BSG: variants seen among roughly 807,000 people sequenced by gnomAD.
The protein encoded by BSG is basigin (Ok blood group).
BSG carries 37 observed loss-of-function variants against 43.1 expected under a neutral mutation model. The ratio of observed to expected loss-of-function variants is 0.86; its 90% CI spans 0.66 to 1.13. The LOEUF (loss-of-function observed/expected upper bound fraction) is 1.13, where lower values mean the gene tolerates loss of function less well. Among genes scored for constraint, BSG ranks in the 50% most tolerant of loss-of-function variants. The pLI, the probability that BSG is intolerant of heterozygous loss-of-function variation, is 0.00. For missense variants in BSG, 599 were observed against 554.2 expected (o/e 1.08, Z -0.81); for synonymous variants, 309 against 238.7 (o/e 1.29, Z -2.72).
intron 3 of BSG, chr19:579,978 G>A (rs1982140118): frequency 4.6e-6 from 2 of 434,560 alleles, no homozygotes; most frequent in African/African-American, 2.0e-5. Flanking sequence ...TGGCACAAGA[G>A]GGCACCACAC....
upstream of BSG, chr19:572,537 G>A: frequency 6.9e-6 from 9 of 1,305,614 alleles, no homozygotes; most frequent in Non-Finnish European, 8.8e-6. Flanking sequence ...GACGCCGTGC[G>A]TGCGCGCGCC....
At chr19:578,210 C>T in intron 2 of BSG, 89 bp downstream of exon 2, 1 of 1,257,706 alleles carries the variant, frequency 8.0e-7, no homozygotes, top group African/African-American at 1.5e-5. Context: ...AACCCAGACG[C>T]CTCCTCCCCT....
rs1981909501 is a variant in BSG, at chr19:577,830, C to T, written c.124C>T (p.Leu42=). 4.0e-6 allele frequency: 6 copies of T among 1,500,750 alleles called. No individual in the cohort carries two copies. In the African/African-American group the frequency reaches 6.9e-5, roughly 17 times the overall value. The allele number at this position is 1,500,750 out of a possible 1,614,324, so 93.0% of individuals were successfully genotyped here. The change falls in exon 2 of 9, where the codon CTG becomes TTG. Residue 42 remains leucine, a synonymous_variant. Coordinates refer to ENST00000333511, the MANE Select transcript of BSG (RefSeq NM_001728.4). ...GAGGTGGGTGGGGGGCAGTGTGGAG[C>T]TGCACTGCGAGGCCGTGGGCAGCCC... ...QQRWVGGSVE[L]HCEAVGSPVP...
At chr19:580,155 G>T (rs895876169) in intron 3 of BSG, among the ~76,000 whole-genome samples, 1 of 86,834 alleles carries the variant, frequency 1.2e-5, no homozygotes, top group African/African-American at 1.1e-4. Context: ...GGGTTCATCA[G>T]TCGGGGAGAA....
At chr19:582,488 C>G (rs1351185928) in intron 7 of BSG, 26 bp from the exon 8 acceptor site, 2 of 1,605,642 alleles carry the variant, frequency 1.2e-6, no homozygotes, top group Non-Finnish European at 1.7e-6. Flanking sequence ...GGGGGACACC[C>G]TCTCACCCGG....
At chr19:576,784 GGC>G (rs1370378090) in intron 1 of BSG, among the ~76,000 whole-genome samples, 1 of 151,762 alleles carries the variant, frequency 6.6e-6, no homozygotes, top group Non-Finnish European at 1.5e-5. Context: ...GAAAGAAAAT[GGC>G]GCTGCCAAAA....
chr19:578,072 G>A lies in BSG; in HGVS notation c.366G>A (p.Ala122=), dbSNP rs148189655. The change falls in exon 2 of 9, where the codon GCG becomes GCA. Residue 122 remains alanine (A), a synonymous_variant. Coordinates refer to ENST00000333511, the MANE Select transcript of BSG (RefSeq NM_001728.4). ...NDPDRNHLTR[A]PRVKWVRAQA... is the part of the protein sequence containing the mutation. ...CGGATCGCAACCACCTGACCCGGGC[G>A]CCCAGGGTCAAGTGGGTCCGCGCCC... 927 of 1,607,144 alleles carry A rather than the reference G, an allele frequency of 5.8e-4. 1 individual carries two copies. The highest frequency in any genetic ancestry group is 7.5e-4 in the Non-Finnish European group (885 of 1,176,690).
At chr19:573,295 C>G (rs1981452755) in intron 1 of BSG, among the ~76,000 whole-genome samples, 1 of 152,136 alleles carries the variant, frequency 6.6e-6, no homozygotes, top group Admixed American at 6.5e-5. Flanking sequence ...CGGGTCCACC[C>G]TGCCTGCGAG....
At chr19:578,239 C>T (rs2283571) in intron 2 of BSG, 118 bp downstream of exon 2, 442,172 of 1,102,842 alleles carry the variant, frequency 0.4, 92,934 homozygotes, top group African/African-American at 0.65. Flanking sequence ...CGCTGTGCCC[C>T]GTTGGGCCCA....
intron 6 of BSG, 21 bp from the exon 7 acceptor site, chr19:582,285 A>T: frequency 1.2e-6 from 2 of 1,604,578 alleles, no homozygotes; most frequent in South Asian, 2.2e-5. Context: ...CCTCTTTTTC[A>T]TGGCGGCGGT....
At chr19:581,255 G>A (rs2145902034) in intron 5 of BSG, 60 bp from the exon 6 acceptor site, 1 of 1,550,234 alleles carries the variant, frequency 6.5e-7, no homozygotes. Context: ...CAGCCCTCAG[G>A]ACTGGGTGAG....
chr19:579,680 C>T lies in BSG; in HGVS notation c.572+24C>T, dbSNP rs551388840. ...AAGTGAGTGCCTGACCACGCCATGCCGCCACCTGCCCCTTCTCACGGCTCT... is the reference window on the plus strand; with the variant it reads ...AAGTGAGTGCCTGACCACGCCATGCTGCCACCTGCCCCTTCTCACGGCTCT... On this transcript the variant is annotated intron_variant, in intron 3 of 8. Transcript: ENST00000333511. 30 of 1,585,034 alleles carry T rather than the reference C, an allele frequency of 1.9e-5. No homozygotes were observed. In the South Asian group the frequency reaches 2.3e-4, roughly 12 times the overall value.
At position 578,279 on chromosome 19, in the gene BSG, G is replaced by GGGGGT. The variant is rs920882996; in HGVS notation, c.415+162_415+166dup. On this transcript the variant is annotated intron_variant, in intron 2 of 8. Coordinates refer to ENST00000333511, the MANE Select transcript of BSG (RefSeq NM_001728.4). Reference sequence around the variant, plus strand: ...CTGGACGGAGGGGCCCGGACCTGAAGGGGGTGGGCTCGCCGCCTGACCACC... The same window carrying GGGGGT: ...CTGGACGGAGGGGCCCGGACCTGAAGGGGGTGGGGTGGGCTCGCCGCCTGACCACC... 6.6e-6 allele frequency: 5 copies of GGGGGT among 758,182 alleles called. No homozygotes were observed. In the African/African-American group the frequency reaches 7.3e-5, roughly 11 times the overall value. 47.0% of individuals were successfully genotyped at this position (758,182 alleles called of 1,614,324 possible). A position where few individuals can be genotyped will look rare whatever the true frequency, so the allele number is the denominator to read the frequency against.
chr19:573,279 T>G (rs534578319), intron 1 of BSG, among the ~76,000 whole-genome samples: 66 of 152,220 alleles, frequency 4.3e-4, no homozygotes, highest in African/African-American at 6.5e-4. Flanking sequence ...GCGTGGAATC[T>G]GGAGACGGGT....
chr19:576,935 GT>G (rs1291870775), intron 1 of BSG, among the ~76,000 whole-genome samples: 2 of 148,838 alleles, frequency 1.3e-5, no homozygotes, highest in African/African-American at 5.1e-5. Context: ...GTGTGTATGT[GT>G]TGTGTGTGTT....
chr19:577,744 A>AACAAGACCCCACGCGC, intron 1 of BSG, 30 bp from the exon 2 acceptor site: 1 of 1,359,920 alleles, frequency 7.4e-7, no homozygotes, highest in South Asian at 1.9e-5. Context: ...CCCAGGCACT[A>AACAAGACCCCACGCGC]ACAAGACCCC....
Position 582,998 on chromosome 19 carries a change from C to G in BSG, c.*254C>G, listed in dbSNP as rs565509602. ...CTGCGGCCCCGTCTGTGGCTTTCAG[C>G]CTCTGGGTCTGAGTCATGGCCGGGT... On this transcript the variant is annotated 3_prime_UTR_variant, in exon 9 of 9. Coordinates refer to ENST00000333511, the MANE Select transcript of BSG (RefSeq NM_001728.4). 4.3e-5 allele frequency: 9 copies of G among 209,676 alleles called. No individual in the cohort carries two copies. Among genetic ancestry groups the G allele is most frequent in the Admixed American group, 1.6e-4 (3 of 18,806 alleles). The allele number at this position is 209,676 out of a possible 1,614,324, so 13.0% of individuals were successfully genotyped here. A position where few individuals can be genotyped will look rare whatever the true frequency, so the allele number is the denominator to read the frequency against.
intron 1 of BSG, among the ~76,000 whole-genome samples, chr19:575,738 T>G (rs564064006): frequency 2.6e-5 from 4 of 152,248 alleles, no homozygotes; most frequent in African/African-American, 7.2e-5. Flanking sequence ...AAGGTGACTT[T>G]ACTTGAGAAC....
intron 1 of BSG, chr19:574,909 G>C (rs1465380418): frequency 6.6e-6 from 1 of 152,306 alleles, no homozygotes; most frequent in Non-Finnish European, 1.5e-5. Context: ...CGCCAGCCCT[G>C]TGGAAACCCA....
Sources: gnomAD v4.1 joint callset for allele counts (sites outside exome capture counted in the v4.1 genomes callset) on GRCh38, gnomAD v4.1.1 for gene constraint, MANE v1.5 for transcripts, NCBI Gene and HGNC (gene_info 2026-07-23, HGNC 2026-07-21) for gene names.